SAMD12: variants seen among roughly 807,000 people sequenced by gnomAD.
SAMD12 encodes the protein sterile alpha motif domain containing 12.
SAMD12 carries 9 observed loss-of-function variants against 15.0 expected under a neutral mutation model. The observed-to-expected ratio is 0.60, with a 90% CI of 0.36 to 1.05. SAMD12 has a LOEUF of 1.05. Ranked by LOEUF, SAMD12 falls within the 50% of genes least tolerant of loss-of-function variation. The pLI is 0.01. For synonymous variants in SAMD12, 86 were observed against 90.1 expected (o/e 0.96, Z 0.25); for missense variants, 230 against 234.2 (o/e 0.98, Z 0.12).
the SAMD12 span, among the ~76,000 whole-genome samples, chr8:118,170,724 G>A: frequency 2.0e-5 from 3 of 152,132 alleles, no homozygotes; most frequent in South Asian, 2.1e-4. Context: ...AATGGTAAAA[G>A]TCTTAGAAGA....
chr8:118,469,260 C>T (rs1719829402), intron 2 of SAMD12, among the ~76,000 whole-genome samples: 1 of 150,986 alleles, frequency 6.6e-6, no homozygotes, highest in Non-Finnish European at 1.5e-5. Flanking sequence ...GCTACCATAG[C>T]TCTATGCTGC....
intron 4 of SAMD12, among the ~76,000 whole-genome samples, chr8:118,319,415 C>T (rs551380587): frequency 6.6e-6 from 1 of 152,144 alleles, no homozygotes; most frequent in African/African-American, 2.4e-5. Flanking sequence ...CTGTGTGACA[C>T]TGGCAGAAAA....
At chr8:118,381,341 G>C (rs757506253) in intron 3 of SAMD12, among the ~76,000 whole-genome samples, 69 of 152,188 alleles carry the variant, frequency 4.5e-4, no homozygotes, top group Non-Finnish European at 8.2e-4. Context: ...ATGAGAAAAG[G>C]AAGGAAAGGA....
intron 4 of SAMD12, among the ~76,000 whole-genome samples, chr8:118,339,926 A>G (rs1817266132): frequency 6.6e-6 from 1 of 152,226 alleles, no homozygotes; most frequent in Non-Finnish European, 1.5e-5. Context: ...TGTGCTACCC[A>G]GGCGGCATGA....
intron 4 of SAMD12, among the ~76,000 whole-genome samples, chr8:118,363,465 G>C (rs1173151436): frequency 6.6e-6 from 1 of 152,178 alleles, no homozygotes; most frequent in Non-Finnish European, 1.5e-5. Context: ...TGACTGCCTT[G>C]AGCTGAGACA....
At chr8:118,156,594 A>G in the SAMD12 span, among the ~76,000 whole-genome samples, 21 of 152,280 alleles carry the variant, frequency 1.4e-4, no homozygotes, top group Non-Finnish European at 2.9e-4. Context: ...CAATTCTTAT[A>G]TGTCCCAGGA....
chr8:118,544,396 A>G (rs1826067516), intron 2 of SAMD12, among the ~76,000 whole-genome samples: 1 of 152,188 alleles, frequency 6.6e-6, no homozygotes, highest in East Asian at 1.9e-4. Flanking sequence ...TGGGGAAAGC[A>G]CATGAGAGGT....
At chr8:118,394,490 T>C (rs1820448179) in intron 3 of SAMD12, among the ~76,000 whole-genome samples, 1 of 152,236 alleles carries the variant, frequency 6.6e-6, no homozygotes, top group African/African-American at 2.4e-5. Flanking sequence ...TCCTGGACAT[T>C]GCTTAATAAA....
chr8:118,357,204 A>G (rs1818272394), intron 4 of SAMD12, among the ~76,000 whole-genome samples: 1 of 152,200 alleles, frequency 6.6e-6, no homozygotes, highest in South Asian at 2.1e-4. Flanking sequence ...TACAGTTAAT[A>G]ATGATGTATA....
At chr8:118,536,360 T>C (rs1302455705) in intron 2 of SAMD12, among the ~76,000 whole-genome samples, 3 of 152,164 alleles carry the variant, frequency 2.0e-5, no homozygotes, top group African/African-American at 7.2e-5. Context: ...CTCTGTAATA[T>C]ATTTAAAAAT....
chr8:118,405,209 C>T (rs1488878367), intron 3 of SAMD12, among the ~76,000 whole-genome samples: 3 of 152,070 alleles, frequency 2.0e-5, no homozygotes, highest in Non-Finnish European at 2.9e-5. Flanking sequence ...GCTAAATATA[C>T]ACAAGACCCA....
At chr8:118,344,050 T>C (rs1198383742) in intron 4 of SAMD12, among the ~76,000 whole-genome samples, 1 of 152,230 alleles carries the variant, frequency 6.6e-6, no homozygotes, top group East Asian at 1.9e-4. Context: ...ATTCTGCCTC[T>C]AGTGACTGCC....
the SAMD12 span, among the ~76,000 whole-genome samples, chr8:118,141,021 T>C: frequency 6.6e-6 from 1 of 152,348 alleles, no homozygotes; most frequent in East Asian, 1.9e-4. Flanking sequence ...GCTTAGACTA[T>C]CTTAACTAAT....
In SAMD12 at chr8:118,436,476, A is replaced by G. The variant is rs140563295; in HGVS notation, c.322+3356T>C. ...CTTCTTCTTTTTCTCTCCATTTAAT[A>G]TATGTCTTTTTTATTTACCGTCACT... On this transcript the variant is annotated intron_variant, in intron 3 of 3. Transcript: ENST00000314727. Among the ~76,000 whole-genome samples the G allele has an allele frequency of 5.8e-3, 886 of 152,274 alleles. 7 individuals are homozygous for G. Among genetic ancestry groups the G allele is most frequent in the Non-Finnish European group, 9.5e-3 (649 of 68,016 alleles).
chr8:118,339,222 G>A (rs1240777463), intron 4 of SAMD12, among the ~76,000 whole-genome samples: 1 of 152,236 alleles, frequency 6.6e-6, no homozygotes, highest in African/African-American at 2.4e-5. Flanking sequence ...CCAGCTACTT[G>A]GGAGTCTGAG....
At chr8:118,171,395 T>C in the SAMD12 span, among the ~76,000 whole-genome samples, 33 of 152,108 alleles carry the variant, frequency 2.2e-4, no homozygotes, top group East Asian at 2.1e-3. Context: ...TGAGTATTTA[T>C]AGCAGTGTTA....
At chr8:118,213,528 A>C (rs13253524) in intron 4 of SAMD12, among the ~76,000 whole-genome samples, 4 of 152,028 alleles carry the variant, frequency 2.6e-5, no homozygotes, top group African/African-American at 9.7e-5. Context: ...TCAGTCCCCA[A>C]TGATAGTATG....
At chr8:118,506,567 G>C (rs78070825) in intron 2 of SAMD12, among the ~76,000 whole-genome samples, 2,060 of 152,062 alleles carry the variant, frequency 0.014, 57 homozygotes, top group African/African-American at 0.048. Context: ...CAACCTTTTA[G>C]TCTGAGTTTA....
intron 4 of SAMD12, among the ~76,000 whole-genome samples, chr8:118,311,432 T>C (rs942462617): frequency 6.6e-6 from 1 of 152,214 alleles, no homozygotes; most frequent in African/African-American, 2.4e-5. Flanking sequence ...AGTTGAGTCA[T>C]GGCAACAGAA....
Sources: allele counts gnomAD v4.1 joint callset (sites outside exome capture counted in the v4.1 genomes callset), GRCh38; gene constraint gnomAD v4.1.1; transcripts MANE v1.5; gene names NCBI Gene and HGNC (gene_info 2026-07-23, HGNC 2026-07-21).